PHC3: variants seen among roughly 807,000 people sequenced by gnomAD.
PHC3 encodes polyhomeotic homolog 3, also known as polyhomeotic-like protein 3.
Under a neutral mutation model 107.4 loss-of-function variants are expected in PHC3, and 13 were observed. That is an observed-to-expected ratio of 0.12 (90% CI 0.08 to 0.19). The LOEUF (loss-of-function observed/expected upper bound fraction) is 0.19. Among genes scored for constraint, PHC3 ranks in the 10% least tolerant of loss-of-function variants. The pLI, the probability that PHC3 is intolerant of heterozygous loss-of-function variation, is 1.00. For synonymous variants in PHC3, 456 were observed against 427.4 expected (o/e 1.07, Z -0.83); for missense variants, 992 against 1,210.9 (o/e 0.82, Z 2.68).
chr3:170,099,038 C>G (rs892065440), intron 14 of PHC3, among the ~76,000 whole-genome samples: 1 of 151,786 alleles, frequency 6.6e-6, no homozygotes, highest in Non-Finnish European at 1.5e-5. Flanking sequence ...GTCTTACTTA[C>G]AAGAACACAG....
At chr3:170,181,278 G>A (rs1262694603) in intron 1 of PHC3, among the ~76,000 whole-genome samples, 1 of 152,152 alleles carries the variant, frequency 6.6e-6, no homozygotes, top group Non-Finnish European at 1.5e-5. Context: ...AGAAGAAGGC[G>A]AAGGAGGCCT....
chr3:170,099,622 C>A (rs1439587118), intron 14 of PHC3, among the ~76,000 whole-genome samples: 2 of 152,042 alleles, frequency 1.3e-5, no homozygotes, highest in Non-Finnish European at 2.9e-5. Context: ...TAGTGCAGCT[C>A]TCAGCACAGG....
intron 2 of PHC3, chr3:170,176,875 GT>G: frequency 2.2e-6 from 1 of 452,376 alleles, no homozygotes; most frequent in Non-Finnish European, 4.4e-6. Flanking sequence ...CCTCATTTTA[GT>G]TTTCTGAGGC....
intron 14 of PHC3, among the ~76,000 whole-genome samples, chr3:170,101,249 C>CCA (rs1340632426): frequency 6.6e-6 from 1 of 152,144 alleles, no homozygotes; most frequent in African/African-American, 2.4e-5. Context: ...TTAAAAGTGG[C>CCA]CATATTTTTT....
At chr3:170,158,346 G>C (rs146392614) in intron 4 of PHC3, among the ~76,000 whole-genome samples, 1 of 151,954 alleles carries the variant, frequency 6.6e-6, no homozygotes, top group East Asian at 1.9e-4. Flanking sequence ...CTGGGTGACA[G>C]AGACTCCATC....
Position 170,090,332 on chromosome 3 carries a change from G to A in PHC3, c.*6898C>T, listed in dbSNP as rs1713965144. On this transcript the variant is annotated 3_prime_UTR_variant, in exon 15 of 15. Transcript: ENST00000495893. Reference sequence around the variant, plus strand: ...AATGATTATGTTCATATTTATTTAAGCCACAATGAATTTTGGGGGGAAGAT... The same window carrying A: ...AATGATTATGTTCATATTTATTTAAACCACAATGAATTTTGGGGGGAAGAT... The A allele has an allele frequency of 6.6e-6, 1 of 152,082 alleles. No homozygotes were observed. Among genetic ancestry groups the A allele is most frequent in the Non-Finnish European group, 1.5e-5 (1 of 68,004 alleles). 9.4% of individuals were successfully genotyped at this position (152,082 alleles called of 1,614,324 possible).
At chr3:170,163,461 A>AGTGTGT (rs56986650) in intron 4 of PHC3, among the ~76,000 whole-genome samples, 2,440 of 146,294 alleles carry the variant, frequency 0.017, 39 homozygotes, top group African/African-American at 0.032. Context: ...TTTAGTAAAG[A>AGTGTGT]GTGTGTGTGT....
rs1327496284 is a variant in PHC3 at position 170,093,748 on chromosome 3, C to T, written c.*3482G>A. The T allele has an allele frequency of 6.6e-6, 1 of 152,100 alleles. No homozygotes were observed. The highest frequency in any genetic ancestry group is 1.5e-5 in the Non-Finnish European group (1 of 68,004). 9.4% of individuals were successfully genotyped at this position (152,100 alleles called of 1,614,324 possible). A position where few individuals can be genotyped will look rare whatever the true frequency, so the allele number is the denominator to read the frequency against. The stretch of plus-strand genomic sequence containing the variant: ...GACTTGTATTTGTGAATAGATGTCT[C>T]ATTATAATTTTATACTTGATACATG... On this transcript the variant is annotated 3_prime_UTR_variant, in exon 15 of 15. Transcript: ENST00000495893.
chr3:170,126,523 TATA>T (rs1178584827), intron 8 of PHC3, among the ~76,000 whole-genome samples: 3 of 80,048 alleles, frequency 3.7e-5, no homozygotes, highest in African/African-American at 5.0e-5. Flanking sequence ...TATATATATA[TATA>T]TATTTTTTTT....
rs746978589 is a variant in PHC3, at chr3:170,178,841, T to C, written c.112A>G (p.Thr38Ala). 2.5e-6 allele frequency: 4 copies of C among 1,613,806 alleles called. No individual in the cohort carries two copies. The highest frequency in any genetic ancestry group is 3.4e-6 in the Non-Finnish European group (4 of 1,179,874). The change falls in exon 2 of 15, where the codon ACT becomes GCT. Residue 38 changes from threonine to alanine, a missense_variant. Transcript: ENST00000495893. Reference protein sequence around the residue: ...TSSTTTTTITTSSSRMQQPQI... With the variant: ...TSSTTTTTITASSSRMQQPQI... ...GGCTGCTGCATTCGAGAGGAGGAAG[T>C]GGTGATGGTGGTGGTGGTGGTACTG...
intron 2 of PHC3, among the ~76,000 whole-genome samples, chr3:170,178,302 C>T (rs1730837837): frequency 6.6e-6 from 1 of 152,016 alleles, no homozygotes; most frequent in South Asian, 2.1e-4. Flanking sequence ...CGCCACTGCG[C>T]CCGGCTAATT....
At chr3:170,159,362 G>T (rs1400424141) in intron 4 of PHC3, among the ~76,000 whole-genome samples, 2 of 149,840 alleles carry the variant, frequency 1.3e-5, no homozygotes, top group African/African-American at 4.9e-5. Context: ...GAGAAAACAA[G>T]AAAATGCTCT....
At chr3:170,121,619 C>T (rs1041505431) in intron 9 of PHC3, among the ~76,000 whole-genome samples, 2 of 152,088 alleles carry the variant, frequency 1.3e-5, no homozygotes, top group African/African-American at 4.8e-5. Flanking sequence ...CTACCTCAGC[C>T]TCTGACGAAG....
At chr3:170,102,202 A>G (rs1009057049) in intron 14 of PHC3, 41 of 985,328 alleles carry the variant, frequency 4.2e-5, no homozygotes, top group Non-Finnish European at 4.8e-5. Flanking sequence ...CAGACTGAAG[A>G]GAAGAAAGCA....
intron 10 of PHC3, among the ~76,000 whole-genome samples, chr3:170,116,651 G>A (rs908237064): frequency 7.2e-5 from 11 of 151,862 alleles, no homozygotes; most frequent in Non-Finnish European, 1.0e-4. Flanking sequence ...AAAATGAGCC[G>A]AGCGCCATGC....
Position 170,145,527 on chromosome 3 carries a change from C to G in PHC3, c.574-6G>C. Reference sequence around the variant, plus strand: ...GTAGCGGGTGTGAAAATCAGCTGTACAGACAGAAAACCAAAAAAATACCCT... The same window carrying G: ...GTAGCGGGTGTGAAAATCAGCTGTAGAGACAGAAAACCAAAAAAATACCCT... On this transcript the variant is annotated splice_region_variant and splice_polypyrimidine_tract_variant and intron_variant, in intron 5 of 14. Transcript: ENST00000495893. 6.2e-7 allele frequency: 1 copy of G among 1,606,794 alleles called. No individual in the cohort carries two copies. The highest frequency in any genetic ancestry group is 8.5e-7 in the Non-Finnish European group (1 of 1,175,240).
At chr3:170,140,638 C>T (rs1376840719) in intron 6 of PHC3, among the ~76,000 whole-genome samples, 7 of 135,598 alleles carry the variant, frequency 5.2e-5, no homozygotes, top group Non-Finnish European at 9.4e-5. Flanking sequence ...CTGTCACCCA[C>T]GCCGGACTGT....
chr3:170,178,140 ATTTT>A (rs1205857388), intron 2 of PHC3, among the ~76,000 whole-genome samples: 1,808 of 137,562 alleles, frequency 0.013, 33 homozygotes, highest in African/African-American at 0.045. Context: ...CTAAAGGAAA[ATTTT>A]TTTTTTTTTT....
At chr3:170,142,113 G>C (rs1724211884) in intron 6 of PHC3, among the ~76,000 whole-genome samples, 1 of 152,058 alleles carries the variant, frequency 6.6e-6, no homozygotes, top group African/African-American at 2.4e-5. Flanking sequence ...TCCGAGAATA[G>C]AGCTGAGTTG....
Sources: gnomAD v4.1 joint callset for allele counts (sites outside exome capture counted in the v4.1 genomes callset) on GRCh38, gnomAD v4.1.1 for gene constraint, MANE v1.5 for transcripts, NCBI Gene and HGNC (gene_info 2026-07-23, HGNC 2026-07-21) for gene names.